Variants in KCNMA1 observed in about 807,000 individuals in gnomAD.
KCNMA1 encodes the protein potassium calcium-activated channel subfamily M alpha 1.
Under a neutral mutation model 140.0 loss-of-function variants are expected in KCNMA1, and 29 were observed. The observed-to-expected ratio is 0.21, with a 90% CI of 0.15 to 0.28. The LOEUF (loss-of-function observed/expected upper bound fraction) is 0.28, where lower values mean the gene tolerates loss of function less well. KCNMA1 is among the 10% of genes least tolerant of loss of function. KCNMA1 has a pLI of 1.00. For missense variants in KCNMA1, 880 were observed against 1,602.2 expected, an observed-to-expected ratio of 0.55 and a Z score of 7.70; for synonymous variants, 612 against 611.9, an observed-to-expected ratio of 1.00 and a Z score of 0.00.
chr10:77,475,610 TAAA>T (rs1337088089), intron 1 of KCNMA1, among the ~76,000 whole-genome samples: 1 of 151,786 alleles, frequency 6.6e-6, no homozygotes, highest in Non-Finnish European at 1.5e-5. Context: ...TAAGGCAGTG[TAAA>T]AAAAAGCACA....
intron 3 of KCNMA1, among the ~76,000 whole-genome samples, chr10:77,234,535 T>C (rs1420378466): frequency 1.3e-5 from 2 of 152,234 alleles, no homozygotes; most frequent in Admixed American, 6.5e-5. Flanking sequence ...AGCTAAATCA[T>C]TGGCTTAATG....
chr10:77,454,557 A>AC (rs1314047998), intron 1 of KCNMA1, among the ~76,000 whole-genome samples: 2 of 151,764 alleles, frequency 1.3e-5, no homozygotes, highest in African/African-American at 2.4e-5. Context: ...TAGCCACCTG[A>AC]CCCCCTTTCA....
intron 1 of KCNMA1, among the ~76,000 whole-genome samples, chr10:77,471,231 AAC>A (rs2098142292): frequency 1.3e-5 from 2 of 149,626 alleles, no homozygotes; most frequent in East Asian, 2.0e-4. Context: ...TTACACACAT[AAC>A]ACAACTCACA....
At chr10:77,195,320 G>T (rs1232744591) in intron 3 of KCNMA1, among the ~76,000 whole-genome samples, 1 of 152,146 alleles carries the variant, frequency 6.6e-6, no homozygotes, top group Non-Finnish European at 1.5e-5. Flanking sequence ...TGGGTCTGCT[G>T]AGTACAAGGC....
Position 76,936,089 on chromosome 10 carries a change from C to A in KCNMA1, c.2902+8684G>T, listed in dbSNP as rs1034639157. ...TGAAATATGCTATATAGGAAAAATT[C>A]TCTTAAGTTGAAGTCATTTAGAAAA... is the stretch of plus-strand genomic sequence containing the variant. On this transcript the variant is annotated intron_variant, in intron 23 of 27. Coordinates refer to ENST00000286628, the MANE Select transcript of KCNMA1 (RefSeq NM_001161352.2). Among the ~76,000 whole-genome samples the A allele has an allele frequency of 5.9e-5, 9 of 152,276 alleles. No individual in the cohort carries two copies. In the East Asian group the frequency reaches 1.2e-3, roughly 20 times the overall value.
intron 2 of KCNMA1, among the ~76,000 whole-genome samples, chr10:77,301,913 G>C (rs540113558): frequency 1.3e-5 from 2 of 151,218 alleles, no homozygotes; most frequent in African/African-American, 4.9e-5. Context: ...GAGCCTATGG[G>C]GACTCAAAAC....
chr10:77,391,607 A>G (rs924914720), intron 2 of KCNMA1, among the ~76,000 whole-genome samples: 2 of 136,636 alleles, frequency 1.5e-5, no homozygotes, highest in African/African-American at 5.8e-5. Context: ...TCCCTGAAGT[A>G]GGTTTTTTGT....
chr10:76,903,065 A>G (rs1019212045), intron 25 of KCNMA1: 2 of 152,238 alleles, frequency 1.3e-5, no homozygotes, highest in African/African-American at 4.8e-5. Context: ...TGAGGAAACC[A>G]TGAAATGCCA....
chr10:77,602,302 A>G (rs2082907051), intron 1 of KCNMA1, among the ~76,000 whole-genome samples: 1 of 152,174 alleles, frequency 6.6e-6, no homozygotes, highest in African/African-American at 2.4e-5. Context: ...ACACGGGCTC[A>G]GAAAGGCCAC....
At chr10:77,023,229 G>A (rs1359678447) in intron 16 of KCNMA1, among the ~76,000 whole-genome samples, 2 of 152,138 alleles carry the variant, frequency 1.3e-5, no homozygotes, top group African/African-American at 4.8e-5. Context: ...ATCTAGTTTT[G>A]TCTTCAATCA....
At chr10:76,895,312 T>C (rs886362103) in intron 25 of KCNMA1, among the ~76,000 whole-genome samples, 1 of 152,172 alleles carries the variant, frequency 6.6e-6, no homozygotes, top group Non-Finnish European at 1.5e-5. Flanking sequence ...CTTCTTTAAC[T>C]CGGTGTCTGA....
chr10:77,055,943 C>T (rs562831304), intron 14 of KCNMA1, among the ~76,000 whole-genome samples: 1 of 152,190 alleles, frequency 6.6e-6, no homozygotes, highest in African/African-American at 2.4e-5. Context: ...CATTTAGATT[C>T]TAAGAACTAA....
At chr10:77,607,599 T>G (rs1226078360) in intron 1 of KCNMA1, among the ~76,000 whole-genome samples, 1 of 152,032 alleles carries the variant, frequency 6.6e-6, no homozygotes, top group Non-Finnish European at 1.5e-5. Flanking sequence ...AGAGATGTGA[T>G]GATGGAAACT....
At chr10:77,192,891 A>G (rs1352247940) in intron 3 of KCNMA1, among the ~76,000 whole-genome samples, 2 of 152,308 alleles carry the variant, frequency 1.3e-5, no homozygotes, top group East Asian at 1.9e-4. Flanking sequence ...GTATAATTCT[A>G]TAGAGTATTA....
At chr10:77,226,440 C>G (rs1048790448) in intron 3 of KCNMA1, among the ~76,000 whole-genome samples, 2 of 151,910 alleles carry the variant, frequency 1.3e-5, no homozygotes, top group African/African-American at 4.8e-5. Context: ...TCTGTCTTCA[C>G]TGGGAGACGT....
In KCNMA1 at chr10:77,612,767, G is replaced by A. The variant is rs116998046; in HGVS notation, c.378+24498C>T. On this transcript the variant is annotated intron_variant, in intron 1 of 27. Transcript: ENST00000286628. ...GGGTACCTTCCTCTCTTCACTTCAC[G>A]GTGGAGGATGATTCTCTACTCTACC... Among the ~76,000 whole-genome samples, 736 of 152,158 alleles carry A rather than the reference G, an allele frequency of 4.8e-3. 3 individuals carry two copies. The highest frequency in any genetic ancestry group is 8.5e-3 in the Non-Finnish European group (576 of 68,004).
intron 3 of KCNMA1, among the ~76,000 whole-genome samples, chr10:77,222,796 T>G (rs2050106815): frequency 6.6e-6 from 1 of 152,246 alleles, no homozygotes; most frequent in Admixed American, 6.5e-5. Context: ...TTAGCTTTAT[T>G]ATCTGAGACA....
chr10:77,531,112 A>C (rs1452062322), intron 1 of KCNMA1, among the ~76,000 whole-genome samples: 2 of 152,124 alleles, frequency 1.3e-5, no homozygotes, highest in African/African-American at 4.8e-5. Context: ...GCAAGCGTTC[A>C]AGGTGACGCA....
At chr10:77,378,463 G>A (rs2095260372) in intron 2 of KCNMA1, among the ~76,000 whole-genome samples, 7 of 152,196 alleles carry the variant, frequency 4.6e-5, no homozygotes, top group Admixed American at 4.6e-4. Context: ...GCCACATTCT[G>A]CATTTTCTAC....
Sources: gnomAD v4.1 joint callset for allele counts (sites outside exome capture counted in the v4.1 genomes callset) on GRCh38, gnomAD v4.1.1 for gene constraint, MANE v1.5 for transcripts, NCBI Gene and HGNC (gene_info 2026-07-23, HGNC 2026-07-21) for gene names.